The following ASCC3 variants were observed in gnomAD, a reference collection of about 807,000 sequenced individuals.
ASCC3 encodes the protein ASC-1 complex subunit P200.
In ASCC3, 158 loss-of-function variants were observed where a neutral mutation model predicts 256.3. The observed-to-expected ratio is 0.62, with a 90% confidence interval of 0.54 to 0.70. ASCC3 has a LOEUF of 0.70. ASCC3 is among the 30% of genes least tolerant of loss of function. The pLI is 0.00. For missense variants in ASCC3, 2,259 were observed against 2,626.0 expected (o/e 0.86, Z 3.05); for synonymous variants, 948 against 883.4 (o/e 1.07, Z -1.30).
chr6:100,606,938 G>GA lies in ASCC3; in HGVS notation c.4923+12dup. 3.7e-6 allele frequency: 6 copies of GA among 1,612,588 alleles called. No individual in the cohort carries two copies. Among genetic ancestry groups the GA allele is most frequent in the South Asian group, 1.1e-5 (1 of 90,882 alleles). On this transcript the variant is annotated intron_variant, in intron 31 of 41. Coordinates refer to ENST00000369162, the MANE Select transcript of ASCC3 (RefSeq NM_006828.4). Reference sequence around the variant, plus strand: ...TACATTTAAATATGTGTTCACTGGAGAAAAAAAAGTACCTGAACTTTACAG... The same window carrying GA: ...TACATTTAAATATGTGTTCACTGGAGAAAAAAAAAGTACCTGAACTTTACAG...
chr6:100,847,990 C>T (rs1319956586), intron 4 of ASCC3, 158 bp downstream of exon 4: 4 of 642,828 alleles, frequency 6.2e-6, no homozygotes, highest in East Asian at 2.9e-5. Flanking sequence ...CCATTAGGAA[C>T]GTATATACAG....
At chr6:100,535,508 CA>C (rs1222668276) in intron 37 of ASCC3, among the ~76,000 whole-genome samples, 2 of 118,522 alleles carry the variant, frequency 1.7e-5, no homozygotes, top group African/African-American at 6.5e-5. Context: ...CTTGCTCTGT[CA>C]CCCAGGCTAG....
At chr6:100,610,584 A>C (rs950114629) in intron 30 of ASCC3, among the ~76,000 whole-genome samples, 2 of 152,148 alleles carry the variant, frequency 1.3e-5, no homozygotes, top group Non-Finnish European at 2.9e-5. Context: ...ACACATAAGA[A>C]ATGTTATTTA....
In ASCC3 at chr6:100,628,000, G is replaced by A. The variant is rs572009992; in HGVS notation, c.4376-13C>T. ...CCTCTTTCCTCCCCTAGAAAATAGG[G>A]AAAAATCAATGTTAATCATTTAACA... On this transcript the variant is annotated splice_polypyrimidine_tract_variant and intron_variant, in intron 27 of 41. Coordinates refer to ENST00000369162, the MANE Select transcript of ASCC3 (RefSeq NM_006828.4). The A allele has an allele frequency of 2.1e-5, 33 of 1,606,318 alleles. No individual in the cohort carries two copies. Among genetic ancestry groups the A allele is most frequent in the Admixed American group, 1.0e-4 (6 of 59,434 alleles).
chr6:100,643,303 T>C (rs9399637), intron 23 of ASCC3, among the ~76,000 whole-genome samples: 13,074 of 152,160 alleles, frequency 0.086, 1,366 homozygotes, highest in East Asian at 0.45. Flanking sequence ...AGAAATACCA[T>C]CAAATTGAGT....
chr6:100,757,766 AG>A (rs1042869604), intron 10 of ASCC3, among the ~76,000 whole-genome samples: 1 of 152,210 alleles, frequency 6.6e-6, no homozygotes, highest in Non-Finnish European at 1.5e-5. Context: ...TAGGGACATC[AG>A]GAAAGAGCTG....
chr6:100,862,681 C>T (rs754737123), intron 3 of ASCC3, among the ~76,000 whole-genome samples: 1 of 152,024 alleles, frequency 6.6e-6, no homozygotes, highest in African/African-American at 2.4e-5. Context: ...TAAGCACTGG[C>T]GATGGAGAGT....
At chr6:100,513,388 C>T (rs1240359403) in intron 39 of ASCC3, among the ~76,000 whole-genome samples, 1 of 152,118 alleles carries the variant, frequency 6.6e-6, no homozygotes, top group African/African-American at 2.4e-5. Context: ...TGTTATCGAA[C>T]TGGTTTGTTT....
intron 13 of ASCC3, among the ~76,000 whole-genome samples, chr6:100,688,227 T>C (rs1024501709): frequency 2.0e-5 from 3 of 151,080 alleles, no homozygotes; most frequent in African/African-American, 7.3e-5. Context: ...TTGTAATTGA[T>C]AGGACAGAAG....
chr6:100,855,294 T>G (rs1454834272), intron 3 of ASCC3, among the ~76,000 whole-genome samples: 2 of 152,112 alleles, frequency 1.3e-5, no homozygotes, highest in Non-Finnish European at 2.9e-5. Flanking sequence ...TTTTTGTATT[T>G]TTTGTAGAGA....
chr6:100,860,694 A>G (rs1773180423), intron 3 of ASCC3, among the ~76,000 whole-genome samples: 1 of 152,108 alleles, frequency 6.6e-6, no homozygotes, highest in South Asian at 2.1e-4. Flanking sequence ...GGGAGAAGAC[A>G]GGAAAATAAT....
chr6:100,647,506 T>C (rs1775440796), intron 20 of ASCC3, 55 bp from the exon 21 acceptor site: 4 of 1,457,732 alleles, frequency 2.7e-6, no homozygotes, highest in Non-Finnish European at 3.8e-6. Context: ...TTTAAATTTG[T>C]CAATAAATCT....
intron 30 of ASCC3, among the ~76,000 whole-genome samples, chr6:100,609,574 C>A (rs889022060): frequency 4.6e-5 from 7 of 152,122 alleles, no homozygotes; most frequent in Admixed American, 2.0e-4. Context: ...GAAGAAAAAG[C>A]AAATCTTATT....
At chr6:100,847,907 C>G (rs966378746) in intron 4 of ASCC3, 4 of 363,106 alleles carry the variant, frequency 1.1e-5, no homozygotes, top group Non-Finnish European at 1.5e-5. Flanking sequence ...GTAACCAGAG[C>G]ATGTGGACAC....
At chr6:100,730,218 GC>G (rs1159523662) in intron 10 of ASCC3, among the ~76,000 whole-genome samples, 1 of 151,978 alleles carries the variant, frequency 6.6e-6, no homozygotes. Context: ...GATTGCTTGA[GC>G]CCAGGAGTTC....
intron 22 of ASCC3, among the ~76,000 whole-genome samples, chr6:100,645,395 A>G (rs571506440): frequency 2.2e-4 from 33 of 152,126 alleles, no homozygotes; most frequent in African/African-American, 7.7e-4. Context: ...AGGAAACTAA[A>G]GGAATTAAAG....
intron 10 of ASCC3, among the ~76,000 whole-genome samples, chr6:100,761,389 G>A (rs1297096960): frequency 6.6e-6 from 1 of 152,204 alleles, no homozygotes; most frequent in Non-Finnish European, 1.5e-5. Flanking sequence ...TCAGGAGGCT[G>A]AGAGGAGAGG....
chr6:100,859,181 T>G (rs1024629998), intron 3 of ASCC3: 3 of 779,942 alleles, frequency 3.8e-6, no homozygotes, highest in East Asian at 2.4e-5. Context: ...CAGCCTCCTC[T>G]TCTGGAATGG....
chr6:100,618,353 A>T (rs1344842582), intron 30 of ASCC3, among the ~76,000 whole-genome samples: 2 of 152,206 alleles, frequency 1.3e-5, no homozygotes, highest in African/African-American at 4.8e-5. Context: ...AGAAAGGCAC[A>T]AGTTTTAGGT....
Sources: gnomAD v4.1 joint callset for allele counts (sites outside exome capture counted in the v4.1 genomes callset) on GRCh38, gnomAD v4.1.1 for gene constraint, MANE v1.5 for transcripts, NCBI Gene and HGNC (gene_info 2026-07-23, HGNC 2026-07-21) for gene names.